CLASP2: variants seen among roughly 807,000 people sequenced by gnomAD.
The protein encoded by CLASP2 is CLIP-associating protein 2.
CLASP2 carries 47 observed loss-of-function variants against 194.4 expected under a neutral mutation model. The ratio of observed to expected loss-of-function variants is 0.24; its 90% CI spans 0.19 to 0.31. The LOEUF is 0.31. Ranked by LOEUF, CLASP2 falls within the 10% of genes least tolerant of loss-of-function variation. The pLI is 1.00. For missense variants in CLASP2, 1,445 were observed against 1,823.6 expected, an observed-to-expected ratio of 0.79 and a Z score of 3.78; for synonymous variants, 619 against 633.5, an observed-to-expected ratio of 0.98 and a Z score of 0.34.
At chr3:33,659,001 G>C in intron 7 of CLASP2, 3 of 1,536,008 alleles carry the variant, frequency 2.0e-6, no homozygotes, top group Non-Finnish European at 1.7e-6. Flanking sequence ...AGATGGTCCA[G>C]GGAGCTCTCT....
intron 6 of CLASP2, among the ~76,000 whole-genome samples, chr3:33,668,400 T>C (rs562149077): frequency 6.6e-6 from 1 of 152,318 alleles, no homozygotes; most frequent in African/African-American, 2.4e-5. Flanking sequence ...GAGCAGTATT[T>C]GAGAATCAAA....
intron 1 of CLASP2, among the ~76,000 whole-genome samples, chr3:33,706,658 TTTAAAA>T (rs1267839131): frequency 6.6e-6 from 1 of 152,174 alleles, no homozygotes; most frequent in Non-Finnish European, 1.5e-5. Context: ...CATATTTTTC[TTTAAAA>T]TTAAAATAAA....
intron 22 of CLASP2, among the ~76,000 whole-genome samples, chr3:33,582,351 G>T (rs1352319839): frequency 2.0e-5 from 3 of 152,076 alleles, no homozygotes; most frequent in African/African-American, 7.2e-5. Flanking sequence ...TAAATTCTCA[G>T]TTCAAGATAA....
chr3:33,636,760 C>T (rs910459005), intron 8 of CLASP2, among the ~76,000 whole-genome samples: 2 of 152,142 alleles, frequency 1.3e-5, no homozygotes, highest in Non-Finnish European at 2.9e-5. Flanking sequence ...GCCACCACTC[C>T]CAGCTAATTT....
chr3:33,560,455 C>A (rs1253925872), intron 28 of CLASP2, among the ~76,000 whole-genome samples: 5 of 152,048 alleles, frequency 3.3e-5, no homozygotes, highest in Non-Finnish European at 7.4e-5. Context: ...GTTGACCAGG[C>A]TGGTCTCGAA....
intron 21 of CLASP2, chr3:33,592,154 C>A (rs1333273842): frequency 7.1e-6 from 5 of 702,154 alleles, no homozygotes; most frequent in Non-Finnish European, 1.0e-5. Context: ...CAAGACAACA[C>A]CCACTCAAAA....
Position 33,594,946 on chromosome 3 carries a change from C to A in CLASP2, c.1966+5G>T. On this transcript the variant is annotated splice_donor_5th_base_variant and intron_variant, in intron 20 of 38. Coordinates refer to ENST00000682230, the MANE Select transcript of CLASP2 (RefSeq NM_001365631.1). ...TGTGTTACTAACAAAATGTATAGTT[C>A]TTACCATCTTCAGATGCTGTTCCTA... The A allele has an allele frequency of 7.1e-7, 1 of 1,403,160 alleles. No homozygotes were observed. Among genetic ancestry groups the A allele is most frequent in the South Asian group, 1.5e-5 (1 of 66,386 alleles). The allele number at this position is 1,403,160 out of a possible 1,614,324, so 86.9% of individuals were successfully genotyped here. A position where few individuals can be genotyped will look rare whatever the true frequency, so the allele number is the denominator to read the frequency against.
chr3:33,634,416 C>T (rs889433870), intron 8 of CLASP2, among the ~76,000 whole-genome samples: 4 of 152,190 alleles, frequency 2.6e-5, no homozygotes, highest in African/African-American at 7.2e-5. Context: ...GTCTCTGCTG[C>T]AATTACTCAA....
intron 37 of CLASP2, chr3:33,502,235 T>C (rs1231609721): frequency 6.5e-6 from 1 of 152,934 alleles, no homozygotes; most frequent in African/African-American, 2.4e-5. Flanking sequence ...AAATCTAGTC[T>C]ATGTAAACTA....
rs72858365 is a variant in CLASP2, at chr3:33,688,886, C to T, written c.379-518G>A. ...CAATTCATTTTATAGCTACCTACCACACTTTTCTGTTAGAAAAAGCATAGA... is the reference window on the plus strand; with the variant it reads ...CAATTCATTTTATAGCTACCTACCATACTTTTCTGTTAGAAAAAGCATAGA... On this transcript the variant is annotated intron_variant, in intron 3 of 38. Coordinates refer to ENST00000682230, the MANE Select transcript of CLASP2 (RefSeq NM_001365631.1). 8.6e-3 allele frequency among the ~76,000 whole-genome samples: 1,315 copies of T among 152,232 alleles called. 20 individuals carry two copies. Among genetic ancestry groups the T allele is most frequent in the African/African-American group, 0.03 (1,261 of 41,552 alleles).
At chr3:33,514,642 C>T in intron 36 of CLASP2, 1 of 314,816 alleles carries the variant, frequency 3.2e-6, no homozygotes, top group Non-Finnish European at 6.6e-6. Context: ...AAAAGTAGAA[C>T]TCCATTTGAT....
intron 32 of CLASP2, among the ~76,000 whole-genome samples, chr3:33,541,316 C>T (rs1055909616): frequency 6.6e-6 from 1 of 152,040 alleles, no homozygotes; most frequent in African/African-American, 2.4e-5. Flanking sequence ...CAGCCAGCCC[C>T]AACTCCTTCT....
intron 29 of CLASP2, chr3:33,558,832 TA>T (rs78742392): frequency 0.016 from 2,361 of 144,746 alleles, 23 homozygotes; most frequent in African/African-American, 0.032. Flanking sequence ...GCCTGACACT[TA>T]AAAAAAAAAA....
At chr3:33,679,088 A>G (rs1394289178) in intron 6 of CLASP2, among the ~76,000 whole-genome samples, 4 of 152,202 alleles carry the variant, frequency 2.6e-5, no homozygotes, top group African/African-American at 9.6e-5. Flanking sequence ...AACCACATAA[A>G]TATGATAAAA....
chr3:33,648,390 TAAAG>T (rs202060479), intron 7 of CLASP2, among the ~76,000 whole-genome samples: 3,733 of 151,812 alleles, frequency 0.025, 69 homozygotes, highest in Non-Finnish European at 0.04. Context: ...TTACTGGAGA[TAAAG>T]AGAGATGTTT....
intron 22 of CLASP2, among the ~76,000 whole-genome samples, chr3:33,582,341 T>G (rs2066342140): frequency 1.3e-5 from 2 of 152,254 alleles, no homozygotes; most frequent in South Asian, 4.1e-4. Flanking sequence ...TACCCATTCT[T>G]AAATTCTCAG....
At chr3:33,710,087 T>C (rs910095729) in intron 1 of CLASP2, among the ~76,000 whole-genome samples, 15 of 152,224 alleles carry the variant, frequency 9.9e-5, no homozygotes, top group Admixed American at 8.5e-4. Flanking sequence ...TGGCTGAATT[T>C]ATTTTACTGT....
intron 7 of CLASP2, chr3:33,659,417 A>C (rs1291054677): frequency 9.9e-7 from 1 of 1,007,598 alleles, no homozygotes; most frequent in Non-Finnish European, 1.2e-6. Context: ...GCTTCCCTAA[A>C]GATATCCATG....
chr3:33,659,963 G>T (rs1293569709), intron 7 of CLASP2, among the ~76,000 whole-genome samples: 1 of 152,142 alleles, frequency 6.6e-6, no homozygotes, highest in Non-Finnish European at 1.5e-5. Context: ...TCATTTCCAG[G>T]TTTTATTTTA....
Sources: gnomAD v4.1 joint callset for allele counts (sites outside exome capture counted in the v4.1 genomes callset) on GRCh38, gnomAD v4.1.1 for gene constraint, MANE v1.5 for transcripts, NCBI Gene and HGNC (gene_info 2026-07-23, HGNC 2026-07-21) for gene names.